MACROD2: variants seen among roughly 807,000 people sequenced by gnomAD.
The protein encoded by MACROD2 is mono-ADP ribosylhydrolase 2.
MACROD2 carries 36 observed loss-of-function variants against 70.4 expected under a neutral mutation model. The observed-to-expected ratio is 0.51, with a 90% confidence interval of 0.39 to 0.68. MACROD2 has a LOEUF of 0.68. MACROD2 is among the 30% of genes least tolerant of loss of function. MACROD2 has a pLI of 0.00. For missense variants in MACROD2, 496 were observed against 538.4 expected, an observed-to-expected ratio of 0.92 and a Z score of 0.78; for synonymous variants, 172 against 178.8, an observed-to-expected ratio of 0.96 and a Z score of 0.30.
intron 8 of MACROD2, among the ~76,000 whole-genome samples, chr20:15,799,411 G>A (rs537079016): frequency 1.6e-4 from 25 of 152,032 alleles, no homozygotes; most frequent in Non-Finnish European, 3.7e-4. Context: ...TCTCTAATAT[G>A]TTTGTACCCA....
intron 5 of MACROD2, among the ~76,000 whole-genome samples, chr20:14,754,795 A>AT (rs11461670): frequency 0.31 from 45,024 of 143,598 alleles, 7,873 homozygotes; most frequent in African/African-American, 0.47. Context: ...AGGTAAAGTG[A>AT]TTTTTTTTTT....
intron 5 of MACROD2, chr20:14,757,774 C>A (rs1160244466): frequency 2.0e-6 from 3 of 1,534,120 alleles, no homozygotes; most frequent in Non-Finnish European, 2.7e-6. Flanking sequence ...GGTACCTTCC[C>A]AATGAGGGTA....
chr20:15,838,435 A>G (rs978767), intron 8 of MACROD2, among the ~76,000 whole-genome samples: 123,978 of 152,204 alleles, frequency 0.81, 50,931 homozygotes, highest in African/African-American at 0.92. Flanking sequence ...TTAAGCATCA[A>G]TTAGCTTTTT....
intron 4 of MACROD2, among the ~76,000 whole-genome samples, chr20:14,507,379 T>TG (rs1178201931): frequency 2.0e-5 from 3 of 152,004 alleles, no homozygotes; most frequent in African/African-American, 7.2e-5. Context: ...CAGAGACCAG[T>TG]GGGGCGAAGA....
chr20:14,019,275 GTGTT>G (rs1417968410), intron 2 of MACROD2, among the ~76,000 whole-genome samples: 2 of 152,094 alleles, frequency 1.3e-5, no homozygotes, highest in East Asian at 1.9e-4. Flanking sequence ...TTGGAGCGTA[GTGTT>G]TGTTTGTTTT....
At chr20:15,426,611 T>G (rs1269835962) in intron 6 of MACROD2, among the ~76,000 whole-genome samples, 1 of 151,784 alleles carries the variant, frequency 6.6e-6, no homozygotes, top group Non-Finnish European at 1.5e-5. Context: ...CTCAAATGAT[T>G]TTTTTTTGTT....
intron 4 of MACROD2, among the ~76,000 whole-genome samples, chr20:14,582,496 A>G (rs1197728872): frequency 1.3e-5 from 2 of 151,936 alleles, no homozygotes; most frequent in East Asian, 3.9e-4. Context: ...CCGAACATTC[A>G]CTCCAAACTG....
intron 6 of MACROD2, among the ~76,000 whole-genome samples, chr20:15,322,528 GT>G (rs1014931262): frequency 6.9e-5 from 10 of 144,396 alleles, no homozygotes; most frequent in African/African-American, 2.5e-4. Context: ...TGCCAAGGTA[GT>G]TAAGTGAAAG....
At chr20:14,485,454 C>T (rs965438003) in intron 3 of MACROD2, among the ~76,000 whole-genome samples, 1 of 152,154 alleles carries the variant, frequency 6.6e-6, no homozygotes, top group Non-Finnish European at 1.5e-5. Context: ...GTAATCCCAG[C>T]ACTTTGGGAG....
intron 11 of MACROD2, among the ~76,000 whole-genome samples, chr20:15,935,918 ACT>A (rs1383143499): frequency 6.6e-6 from 1 of 152,142 alleles, no homozygotes. Context: ...TTTGGGACGG[ACT>A]CTCTGAGGAA....
At chr20:14,546,812 A>G (rs1026359001) in intron 4 of MACROD2, among the ~76,000 whole-genome samples, 1 of 152,056 alleles carries the variant, frequency 6.6e-6, no homozygotes, top group Non-Finnish European at 1.5e-5. Context: ...AATAATAGCC[A>G]TTGTTCCTAG....
At chr20:15,406,972 C>T (rs1427063555) in intron 6 of MACROD2, among the ~76,000 whole-genome samples, 1 of 152,148 alleles carries the variant, frequency 6.6e-6, no homozygotes, top group African/African-American at 2.4e-5. Context: ...AGGCTGTTCC[C>T]CTTAGTAACT....
chr20:15,016,148 A>T (rs1260511378), intron 5 of MACROD2, among the ~76,000 whole-genome samples: 1 of 152,192 alleles, frequency 6.6e-6, no homozygotes, highest in Non-Finnish European at 1.5e-5. Flanking sequence ...CAACAAGGAC[A>T]GTTCACTTTC....
rs78544444 is a variant in MACROD2, at chr20:14,541,989, C to T, written c.301+48481C>T. Among the ~76,000 whole-genome samples the T allele has an allele frequency of 5.2e-3, 785 of 152,164 alleles. 5 individuals are homozygous for T. The highest frequency in any genetic ancestry group is 0.017 in the African/African-American group (708 of 41,504). The stretch of plus-strand genomic sequence containing the variant: ...ACTTATAGGCCCAATTTTAATAAAC[C>T]ACATAATGTTTTTAAAATGTATAAT... On this transcript the variant is annotated intron_variant, in intron 4 of 17. Transcript: ENST00000684519.
intron 8 of MACROD2, among the ~76,000 whole-genome samples, chr20:15,838,156 TA>T (rs66821532): frequency 0.012 from 1,873 of 151,746 alleles, 62 homozygotes; most frequent in East Asian, 0.097. Context: ...GCTTTTTTTT[TA>T]CTATGGGGCT....
chr20:15,762,251 G>T (rs972476431), intron 8 of MACROD2, among the ~76,000 whole-genome samples: 1 of 152,140 alleles, frequency 6.6e-6, no homozygotes, highest in East Asian at 1.9e-4. Flanking sequence ...CCTGTGAGGC[G>T]AATGTTACTG....
chr20:15,597,614 T>C (rs914415695), intron 8 of MACROD2, among the ~76,000 whole-genome samples: 23 of 152,192 alleles, frequency 1.5e-4, no homozygotes, highest in Admixed American at 2.0e-4. Flanking sequence ...TATCTGATGA[T>C]GGCATGGGGT....
At chr20:14,174,129 T>G (rs1277574931) in intron 3 of MACROD2, among the ~76,000 whole-genome samples, 2 of 151,844 alleles carry the variant, frequency 1.3e-5, no homozygotes, top group African/African-American at 4.8e-5. Context: ...CTCTCAAGAG[T>G]GTATCAGCTA....
At chr20:15,651,514 G>T (rs770031873) in intron 8 of MACROD2, among the ~76,000 whole-genome samples, 30 of 152,090 alleles carry the variant, frequency 2.0e-4, no homozygotes, top group Non-Finnish European at 4.0e-4. Context: ...ATTCGGCTTT[G>T]TGGGTTTTAT....
Sources: gnomAD v4.1 joint callset for allele counts (sites outside exome capture counted in the v4.1 genomes callset) on GRCh38, gnomAD v4.1.1 for gene constraint, MANE v1.5 for transcripts, NCBI Gene and HGNC (gene_info 2026-07-23, HGNC 2026-07-21) for gene names.